The following RMDN2 variants were observed in gnomAD, a reference collection of about 807,000 sequenced individuals.
RMDN2 encodes the protein regulator of microtubule dynamics 2.
RMDN2 carries 61 observed loss-of-function variants against 52.8 expected under a neutral mutation model. That is an observed-to-expected ratio of 1.16 (90% CI 0.94 to 1.43). RMDN2 has a LOEUF of 1.43. Ranked by LOEUF, RMDN2 falls within the 40% of genes most tolerant of loss-of-function variation. RMDN2 has a pLI of 0.00. For missense variants in RMDN2, 592 were observed against 475.3 expected, an observed-to-expected ratio of 1.25 and a Z score of -2.28; for synonymous variants, 180 against 153.1, an observed-to-expected ratio of 1.18 and a Z score of -1.30.
downstream of RMDN2, among the ~76,000 whole-genome samples, chr2:38,022,538 A>G (rs1679469938): frequency 6.6e-6 from 1 of 152,248 alleles, no homozygotes; most frequent in Non-Finnish European, 1.5e-5. Flanking sequence ...GGAAAGCGGG[A>G]GTTCTGACCC....
intron 2 of RMDN2, among the ~76,000 whole-genome samples, chr2:37,970,650 T>C (rs1390513754): frequency 6.6e-6 from 1 of 152,178 alleles, no homozygotes; most frequent in East Asian, 1.9e-4. Flanking sequence ...AACTATTCTA[T>C]GTGTGCATGG....
intron 2 of RMDN2, among the ~76,000 whole-genome samples, chr2:37,963,469 C>G (rs1379895635): frequency 6.6e-6 from 1 of 152,054 alleles, no homozygotes; most frequent in Non-Finnish European, 1.5e-5. Flanking sequence ...CTGCAGCCTT[C>G]CGCAGTGTTT....
intron 10 of RMDN2, among the ~76,000 whole-genome samples, chr2:38,025,111 C>G (rs983430902): frequency 1.3e-5 from 2 of 152,058 alleles, no homozygotes; most frequent in Non-Finnish European, 2.9e-5. Context: ...TTTCAATTGA[C>G]ATCAGTTTTA....
At chr2:37,981,481 T>C in intron 5 of RMDN2, 138 bp downstream of exon 5, 2 of 603,202 alleles carry the variant, frequency 3.3e-6, no homozygotes, top group Non-Finnish European at 3.0e-6. Context: ...AATAGCACAG[T>C]AACTGTTCTT....
At chr2:37,987,875 A>C (rs1404868426) in intron 5 of RMDN2, among the ~76,000 whole-genome samples, 2 of 124,340 alleles carry the variant, frequency 1.6e-5, no homozygotes, top group Non-Finnish European at 3.2e-5. Context: ...TCTGGCCAAC[A>C]TGGTGAAATC....
At chr2:38,039,056 A>G (rs1680781639) in intron 10 of RMDN2, among the ~76,000 whole-genome samples, 1 of 59,424 alleles carries the variant, frequency 1.7e-5, no homozygotes, top group East Asian at 7.0e-3. Flanking sequence ...ATACACACAC[A>G]CACACACACA....
rs1384389721 is a variant in RMDN2, at chr2:37,991,205, G to A, written c.868-15G>A. ...GAAACTTGGGAGATGATTTTCCTTT[G>A]GATGCTTTTTTCAGGAACATCTAGA... On this transcript the variant is annotated splice_polypyrimidine_tract_variant and intron_variant, in intron 6 of 10. Coordinates refer to ENST00000354545, the MANE Select transcript of RMDN2 (RefSeq NM_001170791.3). 6.7e-7 allele frequency: 1 copy of A among 1,493,788 alleles called. No homozygotes were observed. The highest frequency in any genetic ancestry group is 9.1e-7 in the Non-Finnish European group (1 of 1,095,444). The allele number at this position is 1,493,788 out of a possible 1,614,324, so 92.5% of individuals were successfully genotyped here.
At chr2:38,060,099 TTTTATTTTATTTTATTTTA>T (rs1198968403) in intron 10 of RMDN2, among the ~76,000 whole-genome samples, 7 of 145,426 alleles carry the variant, frequency 4.8e-5, no homozygotes, top group Non-Finnish European at 1.0e-4. Flanking sequence ...TTTTATTTTA[TTTTATTTTATTTTATTTTA>T]TTTTTTTTAG....
downstream of RMDN2, among the ~76,000 whole-genome samples, chr2:38,021,388 C>A (rs939961964): frequency 8.5e-5 from 13 of 152,176 alleles, no homozygotes; most frequent in Admixed American, 2.6e-4. Flanking sequence ...TGGGGTCCCC[C>A]TCTGCACTGT....
chr2:38,024,302 C>A (rs1679610100), intron 10 of RMDN2, among the ~76,000 whole-genome samples: 1 of 152,082 alleles, frequency 6.6e-6, no homozygotes, highest in Non-Finnish European at 1.5e-5. Context: ...TGGATAAATA[C>A]ACAGGAGTAG....
chr2:37,955,902 A>G (rs1215080836), intron 2 of RMDN2, among the ~76,000 whole-genome samples: 2 of 152,170 alleles, frequency 1.3e-5, no homozygotes, highest in African/African-American at 4.8e-5. Flanking sequence ...AATAAATTCC[A>G]TCTGGTTGTG....
intron 2 of RMDN2, among the ~76,000 whole-genome samples, chr2:37,973,095 TG>T (rs1672014132): frequency 8.3e-6 from 1 of 119,906 alleles, no homozygotes; most frequent in East Asian, 5.5e-4. Flanking sequence ...AAAATTTGTG[TG>T]TTTTTTATAT....
At chr2:37,989,643 C>A in intron 6 of RMDN2, 27 bp downstream of exon 6, 2 of 1,421,924 alleles carry the variant, frequency 1.4e-6, no homozygotes, top group Non-Finnish European at 1.9e-6. Flanking sequence ...TTTCATATTT[C>A]TTTTCAGATC....
intron 2 of RMDN2, among the ~76,000 whole-genome samples, chr2:37,956,650 T>C (rs1275046199): frequency 1.3e-5 from 2 of 152,052 alleles, no homozygotes; most frequent in African/African-American, 2.4e-5. Flanking sequence ...CTTCTTTTTT[T>C]TTCTTCTTTT....
chr2:37,990,518 CAAAAAAAAAAAAAA>C (rs397812186), intron 6 of RMDN2, among the ~76,000 whole-genome samples: 4 of 37,582 alleles, frequency 1.1e-4, no homozygotes, highest in African/African-American at 9.7e-5. Flanking sequence ...GACTCCATCT[CAAAAAAAAAAAAAA>C]AAAAAAAAAA....
chr2:37,927,001 A>G (rs1317844906), intron 1 of RMDN2, among the ~76,000 whole-genome samples: 1 of 151,840 alleles, frequency 6.6e-6, no homozygotes, highest in Non-Finnish European at 1.5e-5. Flanking sequence ...AAGTACTCTG[A>G]TGTATTTTGT....
At chr2:37,985,888 A>G (rs1327570663) in intron 5 of RMDN2, among the ~76,000 whole-genome samples, 1 of 152,184 alleles carries the variant, frequency 6.6e-6, no homozygotes, top group African/African-American at 2.4e-5. Context: ...TTAATAGTGT[A>G]TTAATATTGG....
intron 2 of RMDN2, among the ~76,000 whole-genome samples, chr2:37,968,770 A>G (rs1671416820): frequency 6.6e-6 from 1 of 152,222 alleles, no homozygotes; most frequent in South Asian, 2.1e-4. Flanking sequence ...TCTTAAGATG[A>G]ACTTCTCTAG....
intron 10 of RMDN2, among the ~76,000 whole-genome samples, chr2:38,006,403 T>C (rs1287823584): frequency 6.6e-6 from 1 of 152,232 alleles, no homozygotes. Flanking sequence ...GTAGTTCTCC[T>C]CGAAGAGGTC....
Sources: gnomAD v4.1 joint callset for allele counts (sites outside exome capture counted in the v4.1 genomes callset) on GRCh38, gnomAD v4.1.1 for gene constraint, MANE v1.5 for transcripts, NCBI Gene and HGNC (gene_info 2026-07-23, HGNC 2026-07-21) for gene names.